Variants in TTC21B observed in about 807,000 individuals in gnomAD.
The protein encoded by TTC21B is tetratricopeptide repeat domain 21B.
Under a neutral mutation model 175.1 loss-of-function variants are expected in TTC21B, and 127 were observed. The observed-to-expected ratio is 0.73, with a 90% CI of 0.63 to 0.84. The LOEUF is 0.84. TTC21B is among the 40% of genes least tolerant of loss of function. The pLI, the probability that TTC21B is intolerant of heterozygous loss-of-function variation, is 0.00. For synonymous variants in TTC21B, 524 were observed against 524.5 expected (o/e 1.00, Z 0.01); for missense variants, 1,561 against 1,558.3 (o/e 1.00, Z -0.03).
intron 19 of TTC21B, 105 bp from the exon 20 acceptor site, chr2:165,902,015 C>A (rs1161645657): frequency 3.0e-6 from 3 of 1,003,620 alleles, no homozygotes; most frequent in African/African-American, 1.6e-5. Flanking sequence ...CATTATGAAC[C>A]CTTGATCTAA....
rs1685986345 is a variant in TTC21B at position 165,912,436 on chromosome 2, G to A, written c.2322+78C>T. ...TTTACAACCATTAAAGATGCAAATG[G>A]TGCTCGCTGAAGCTTCTCGAGGACA... On this transcript the variant is annotated intron_variant, in intron 17 of 28. Transcript: ENST00000243344. 5.4e-6 allele frequency: 6 copies of A among 1,107,980 alleles called. No individual in the cohort carries two copies. In the Admixed American group the frequency reaches 1.0e-4, roughly 19 times the overall value. The allele number at this position is 1,107,980 out of a possible 1,614,324, so 68.6% of individuals were successfully genotyped here.
chr2:165,888,182 A>T, intron 25 of TTC21B, 97 bp downstream of exon 25: 1 of 977,492 alleles, frequency 1.0e-6, no homozygotes, highest in Non-Finnish European at 1.6e-6. Context: ...TTAAGTAATT[A>T]AGTCAATCTT....
chr2:165,940,812 A>G (rs1687335476), intron 6 of TTC21B, among the ~76,000 whole-genome samples: 1 of 152,196 alleles, frequency 6.6e-6, no homozygotes, highest in Non-Finnish European at 1.5e-5. Context: ...CTGTTTGCCT[A>G]AAAAGAGTGT....
At chr2:165,901,643 G>A (rs1685561576) in intron 20 of TTC21B, 79 bp downstream of exon 20, 1 of 1,386,902 alleles carries the variant, frequency 7.2e-7, no homozygotes, top group South Asian at 1.2e-5. Flanking sequence ...TTTAAAATAA[G>A]CTGGTAAAAA....
chr2:165,900,107 G>A (rs1391047324), intron 20 of TTC21B, among the ~76,000 whole-genome samples: 2 of 145,074 alleles, frequency 1.4e-5, no homozygotes, highest in Non-Finnish European at 3.0e-5. Flanking sequence ...CACTTCAAAA[G>A]TAGAGAGACA....
intron 13 of TTC21B, among the ~76,000 whole-genome samples, chr2:165,918,041 G>T (rs1436719638): frequency 6.6e-6 from 1 of 152,164 alleles, no homozygotes; most frequent in Admixed American, 6.5e-5. Flanking sequence ...GTGGGAAAAA[G>T]AAGTCAAAGG....
intron 4 of TTC21B, 62 bp from the exon 5 acceptor site, chr2:165,943,403 A>T (rs1687441345): frequency 7.7e-7 from 1 of 1,303,624 alleles, no homozygotes; most frequent in African/African-American, 1.5e-5. Flanking sequence ...TGTTAATGAA[A>T]GAGCCTAATG....
chr2:165,886,049 C>T (rs930701738), intron 25 of TTC21B, among the ~76,000 whole-genome samples: 1 of 152,180 alleles, frequency 6.6e-6, no homozygotes, highest in Non-Finnish European at 1.5e-5. Flanking sequence ...TCACATACCT[C>T]TTTTTTGGTC....
Position 165,883,807 on chromosome 2 carries a change from A to G in TTC21B, c.3671T>C (p.Leu1224Pro). Reference sequence around the variant, plus strand: ...TCAATCACCTACTCTATTATGACGCAGGCACCGTTTTAACAGGTCTTCTGC... The same window carrying G: ...TCAATCACCTACTCTATTATGACGCGGGCACCGTTTTAACAGGTCTTCTGC... ...DMAEDLLKRC[L>P]RHNRSCCKAY... The change falls in exon 26 of 29, where the codon CTG (leucine) becomes CCG (proline). Residue 1224 changes from leucine to proline, a missense_variant. Leu to Pro is a moderately conservative substitution (Grantham distance 98). Coordinates refer to ENST00000243344, the MANE Select transcript of TTC21B (RefSeq NM_024753.5). 6.2e-7 allele frequency: 1 copy of G among 1,613,674 alleles called. No homozygotes were observed. The highest frequency in any genetic ancestry group is 8.5e-7 in the Non-Finnish European group (1 of 1,179,600).
In TTC21B at chr2:165,876,347, T is replaced by C. The variant is rs1349730119; in HGVS notation, c.3806-115A>G. The C allele has an allele frequency of 1.1e-5, 8 of 737,320 alleles. No individual in the cohort carries two copies. The East Asian group carries it at 2.0e-4, about 19-fold the overall frequency. 45.7% of individuals were successfully genotyped at this position (737,320 alleles called of 1,614,324 possible). A position where few individuals can be genotyped will look rare whatever the true frequency, so the allele number is the denominator to read the frequency against. ...GAGAATGGTAAGGGAGGCTGGTGAA[T>C]GAACAACCAAACTACGCTATACAGA... On this transcript the variant is annotated intron_variant, in intron 27 of 28. Coordinates refer to ENST00000243344, the MANE Select transcript of TTC21B (RefSeq NM_024753.5).
At chr2:165,949,083 C>T (rs575965086) in intron 3 of TTC21B, 8 of 345,088 alleles carry the variant, frequency 2.3e-5, no homozygotes, top group Admixed American at 9.2e-5. Flanking sequence ...TATGTACATA[C>T]GGTACCTGTT....
At position 165,890,650 on chromosome 2, in the gene TTC21B, T is replaced by TAA. The variant is rs769270653; in HGVS notation, c.3102-11_3102-10insTT. ...TGGTTCTCCAGTGTACCTTGTTAGA[T>TAA]GTTTAAAAGAATTATTTATTTCAAT... is the stretch of plus-strand genomic sequence containing the variant. On this transcript the variant is annotated splice_polypyrimidine_tract_variant and intron_variant, in intron 23 of 28. Coordinates refer to ENST00000243344, the MANE Select transcript of TTC21B (RefSeq NM_024753.5). The TAA allele has an allele frequency of 9.3e-6, 15 of 1,612,720 alleles. No homozygotes were observed. Among genetic ancestry groups the TAA allele is most frequent in the Non-Finnish European group, 1.0e-5 (12 of 1,179,008 alleles).
intron 19 of TTC21B, among the ~76,000 whole-genome samples, chr2:165,902,611 T>C (rs948788233): frequency 6.6e-6 from 1 of 152,210 alleles, no homozygotes. Flanking sequence ...GTGGTTAACA[T>C]TAATACTGTC....
intron 14 of TTC21B, 60 bp downstream of exon 14, chr2:165,917,197 A>C: frequency 1.4e-6 from 2 of 1,477,380 alleles, no homozygotes; most frequent in Non-Finnish European, 1.9e-6. Context: ...ATTTTCTACT[A>C]ATATATATGT....
chr2:165,933,753 T>C (rs1306264293), intron 6 of TTC21B: 1 of 152,208 alleles, frequency 6.6e-6, no homozygotes, highest in African/African-American at 2.4e-5. Context: ...AAAGTTGGAG[T>C]GTACCCTACT....
chr2:165,913,593 G>T lies in TTC21B; in HGVS notation c.2192C>A (p.Ala731Glu), dbSNP rs1223170390. 9 of 1,612,272 alleles carry T rather than the reference G, an allele frequency of 5.6e-6. No individual in the cohort carries two copies. Among genetic ancestry groups the T allele is most frequent in the African/African-American group, 1.3e-5 (1 of 74,842 alleles). ...NPRSFLLLGD[A>E]YMNILEPEEA... ...TTTTACCTCTAGAATATTCATGTATGCATCACCAAGGAGAAGAAAAGACCG... is the reference window on the plus strand; with the variant it reads ...TTTTACCTCTAGAATATTCATGTATTCATCACCAAGGAGAAGAAAAGACCG... The change falls in exon 16 of 29, where the codon GCA becomes GAA. Residue 731 changes from alanine (A) to glutamate (E), a missense_variant. Physicochemically the swap from Ala to Glu is moderately radical, Grantham distance 107 (BLOSUM62 -1). Coordinates refer to ENST00000243344, the MANE Select transcript of TTC21B (RefSeq NM_024753.5).
chr2:165,877,704 T>C (rs532234768), intron 27 of TTC21B, among the ~76,000 whole-genome samples: 38 of 152,318 alleles, frequency 2.5e-4, no homozygotes, highest in Middle Eastern at 3.4e-3. Context: ...TGTATGTTTA[T>C]ATATGTGTGT....
At chr2:165,915,698 T>C (rs571673832) in intron 14 of TTC21B, among the ~76,000 whole-genome samples, 47 of 152,322 alleles carry the variant, frequency 3.1e-4, no homozygotes, top group African/African-American at 1.1e-3. Context: ...GGGTCACTGC[T>C]ACTATATTAA....
intron 28 of TTC21B, 96 bp downstream of exon 28, chr2:165,876,069 G>A: frequency 2.6e-6 from 2 of 757,654 alleles, no homozygotes; most frequent in Non-Finnish European, 4.7e-6. Context: ...CTAAAATAAT[G>A]TATCCTCTAT....
Sources: allele counts gnomAD v4.1 joint callset (sites outside exome capture counted in the v4.1 genomes callset), GRCh38; gene constraint gnomAD v4.1.1; transcripts MANE v1.5; gene names NCBI Gene and HGNC (gene_info 2026-07-23, HGNC 2026-07-21).